The following LHFPL5 variants were observed in gnomAD, a reference collection of about 807,000 sequenced individuals.
The protein encoded by LHFPL5 is LHFPL tetraspan subfamily member 5 protein.
Under a neutral mutation model 18.7 loss-of-function variants are expected in LHFPL5, and 12 were observed. The ratio of observed to expected loss-of-function variants is 0.64; its 90% CI spans 0.41 to 1.04. The LOEUF (loss-of-function observed/expected upper bound fraction) is 1.04. Among genes scored for constraint, LHFPL5 ranks in the 50% least tolerant of loss-of-function variants. LHFPL5 has a pLI of 0.00. For missense variants in LHFPL5, 259 were observed against 292.1 expected, an observed-to-expected ratio of 0.89 and a Z score of 0.83; for synonymous variants, 111 against 120.2, an observed-to-expected ratio of 0.92 and a Z score of 0.50.
chr6:35,810,704 G>A (rs1257537880), intron 1 of LHFPL5, among the ~76,000 whole-genome samples: 1 of 151,984 alleles, frequency 6.6e-6, no homozygotes, highest in African/African-American at 2.4e-5. Flanking sequence ...GCGGGCGCCT[G>A]TAGTCCCAGC....
At chr6:35,815,102 G>A (rs1768735906) in intron 2 of LHFPL5, among the ~76,000 whole-genome samples, 1 of 152,094 alleles carries the variant, frequency 6.6e-6, no homozygotes, top group Admixed American at 6.5e-5. Flanking sequence ...GCGGGGTCTC[G>A]AAGTAATATT....
intron 1 of LHFPL5, among the ~76,000 whole-genome samples, chr6:35,809,677 T>C (rs1432011071): frequency 6.6e-6 from 1 of 152,128 alleles, no homozygotes; most frequent in East Asian, 1.9e-4. Context: ...CCAATTTTTG[T>C]ATTTTTTGTA....
intron 3 of LHFPL5, among the ~76,000 whole-genome samples, 185 bp from the exon 4 acceptor site, chr6:35,822,797 A>G (rs978899750): frequency 1.3e-5 from 2 of 152,028 alleles, no homozygotes; most frequent in Non-Finnish European, 2.9e-5. Context: ...TTTAGTAGAG[A>G]CAGGGTTTCA....
At position 35,819,802 on chromosome 6, in the gene LHFPL5, C is replaced by T. The variant is rs139530254; in HGVS notation, c.*16+339C>T. 70 of 344,194 alleles carry T rather than the reference C, an allele frequency of 2.0e-4. 1 individual carries two copies. The highest frequency in any genetic ancestry group is 1.3e-3 in the African/African-American group (62 of 47,572). The allele number at this position is 344,194 out of a possible 1,614,324, so 21.3% of individuals were successfully genotyped here. A position where few individuals can be genotyped will look rare whatever the true frequency, so the allele number is the denominator to read the frequency against. On this transcript the variant is annotated intron_variant, in intron 3 of 3. Coordinates refer to ENST00000360215, the MANE Select transcript of LHFPL5 (RefSeq NM_182548.4). The stretch of plus-strand genomic sequence containing the variant: ...AAGCCATTCTCCTGCCTCAGCCTCC[C>T]GAGTAGCTGGGATTACAGGTGCGTG...
chr6:35,808,364 A>C (rs1177116947), intron 1 of LHFPL5, among the ~76,000 whole-genome samples: 3 of 146,172 alleles, frequency 2.1e-5, no homozygotes, highest in Admixed American at 1.4e-4. Context: ...AAATAATAAT[A>C]AGGCCAGCTG....
Position 35,814,654 on chromosome 6 carries a change from C to G in LHFPL5, c.521C>G (p.Thr174Ser), listed in dbSNP as rs1192287001. The G allele has an allele frequency of 6.2e-7, 1 of 1,614,192 alleles. No individual in the cohort carries two copies. The highest frequency in any genetic ancestry group is 8.5e-7 in the Non-Finnish European group (1 of 1,180,038). The change falls in exon 2 of 4, where the codon ACC becomes AGC. Residue 174 changes from threonine (T) to serine (S), a missense_variant. Coordinates refer to ENST00000360215, the MANE Select transcript of LHFPL5 (RefSeq NM_182548.4). The surrounding 1 kb of genome is among the most constrained non-coding windows in gnomAD (Gnocchi z 4.2). ...GGCAAGTACACGCTGGGCCACTGCACCATCCGCTGGGCCTTCATGCTGGCC... is the reference window on the plus strand; with the variant it reads ...GGCAAGTACACGCTGGGCCACTGCAGCATCCGCTGGGCCTTCATGCTGGCC... ...QTGKYTLGHC[T>S]IRWAFMLAIL...
chr6:35,819,307 G>T, intron 2 of LHFPL5, 130 bp from the exon 3 acceptor site: 1 of 833,168 alleles, frequency 1.2e-6, no homozygotes, highest in South Asian at 1.4e-5. Flanking sequence ...TAAATGATAT[G>T]AACAAAAAAG....
rs1189623466 is a variant in LHFPL5, at chr6:35,805,523, C to G, written c.-148C>G. The G allele has an allele frequency of 5.5e-6, 4 of 733,690 alleles. No individual in the cohort carries two copies. Among genetic ancestry groups the G allele is most frequent in the East Asian group, 2.7e-5 (1 of 37,310 alleles). 45.4% of individuals were successfully genotyped at this position (733,690 alleles called of 1,614,324 possible). ...TGTCCTTGTCCTATTAAGCCTCTTC[C>G]CCTTGCCTTGAAGGGACCTCACCTG... On this transcript the variant is annotated 5_prime_UTR_variant, in exon 1 of 4. Coordinates refer to ENST00000360215, the MANE Select transcript of LHFPL5 (RefSeq NM_182548.4). This position sits in a 1 kb window ranked among gnomAD's most constrained non-coding sequence, Gnocchi z 4.3.
intron 2 of LHFPL5, among the ~76,000 whole-genome samples, chr6:35,815,427 G>C (rs948392015): frequency 3.9e-5 from 6 of 152,080 alleles, no homozygotes; most frequent in Non-Finnish European, 8.8e-5. Flanking sequence ...GGTGCCTTTT[G>C]CTTCTGTTTC....
intron 1 of LHFPL5, among the ~76,000 whole-genome samples, chr6:35,809,063 G>T (rs1768623103): frequency 6.6e-6 from 1 of 152,144 alleles, no homozygotes; most frequent in South Asian, 2.1e-4. Flanking sequence ...AGAAGCCTGG[G>T]AACAGGGAGG....
intron 1 of LHFPL5, among the ~76,000 whole-genome samples, chr6:35,812,952 G>C (rs1452100792): frequency 6.6e-6 from 1 of 152,094 alleles, no homozygotes; most frequent in East Asian, 2.0e-4. Context: ...CTACTCAGGA[G>C]GGTGAGGCAG....
rs1768901252 is a variant in LHFPL5, at chr6:35,823,330, T to A, written c.*365T>A. ...AAAGCGAGAGGGCTAAATGGGTCCA[T>A]CTCTAGGGGCCTTCCCTCCCAGGTC... On this transcript the variant is annotated 3_prime_UTR_variant, in exon 4 of 4. Coordinates refer to ENST00000360215, the MANE Select transcript of LHFPL5 (RefSeq NM_182548.4). 6.6e-6 allele frequency: 1 copy of A among 151,342 alleles called. No homozygotes were observed. Among genetic ancestry groups the A allele is most frequent in the Admixed American group, 6.6e-5 (1 of 15,050 alleles). 9.4% of individuals were successfully genotyped at this position (151,342 alleles called of 1,614,324 possible). A position where few individuals can be genotyped will look rare whatever the true frequency, so the allele number is the denominator to read the frequency against.
At chr6:35,821,452 T>TGC (rs1169197928) in intron 3 of LHFPL5, among the ~76,000 whole-genome samples, 19 of 48,616 alleles carry the variant, frequency 3.9e-4, no homozygotes. Flanking sequence ...ATAATCTTTG[T>TGC]GTGTGTGTGT....
In LHFPL5 at chr6:35,816,096, G is replaced by A. The variant is rs968590752; in HGVS notation, c.649+1314G>A. Among the ~76,000 whole-genome samples, 20 of 151,084 alleles carry A rather than the reference G, an allele frequency of 1.3e-4. No homozygotes were observed. In the South Asian group the frequency reaches 1.5e-3, roughly 11 times the overall value. ...TGAGGCAGGAGAATGGCGTGAACCC[G>A]GGAAGCGGAGCTTGCAGTGAGCCGA... On this transcript the variant is annotated intron_variant, in intron 2 of 3. Coordinates refer to ENST00000360215, the MANE Select transcript of LHFPL5 (RefSeq NM_182548.4).
intron 2 of LHFPL5, among the ~76,000 whole-genome samples, chr6:35,818,536 T>A (rs959520265): frequency 6.0e-5 from 9 of 150,866 alleles, no homozygotes; most frequent in South Asian, 2.1e-4. Context: ...TTAAAAAAAT[T>A]TTTTTTGTAG....
intron 3 of LHFPL5, among the ~76,000 whole-genome samples, chr6:35,820,812 A>C (rs1768851039): frequency 6.6e-6 from 1 of 152,224 alleles, no homozygotes; most frequent in African/African-American, 2.4e-5. Context: ...GAGGACCTAC[A>C]GCCGACCAGG....
chr6:35,819,418 G>C lies in LHFPL5; in HGVS notation c.650-19G>C. 3 of 1,613,618 alleles carry C rather than the reference G, an allele frequency of 1.9e-6. No individual in the cohort carries two copies. Among genetic ancestry groups the C allele is most frequent in the Non-Finnish European group, 2.5e-6 (3 of 1,179,566 alleles). On this transcript the variant is annotated intron_variant, in intron 2 of 3. Coordinates refer to ENST00000360215, the MANE Select transcript of LHFPL5 (RefSeq NM_182548.4). Reference sequence around the variant, plus strand: ...ACGAGACTTGGTAGTAACGTATACTGTTCTCTCCTTCATTACAGAGGAGGT... The same window carrying C: ...ACGAGACTTGGTAGTAACGTATACTCTTCTCTCCTTCATTACAGAGGAGGT...
rs763639486 is a variant in LHFPL5, at chr6:35,821,857, ATTTTTTTTTTTT to A, written c.*17-1102_*17-1091del. 1.7e-3 allele frequency among the ~76,000 whole-genome samples: 66 copies of A among 39,168 alleles called. 1 individual carries two copies. The highest frequency in any genetic ancestry group is 3.3e-3 in the Admixed American group (7 of 2,138). 25.7% of individuals were successfully genotyped at this position (39,168 alleles called of 152,430 possible). A position where few individuals can be genotyped will look rare whatever the true frequency, so the allele number is the denominator to read the frequency against. ...AACTCCACAGCACTGGTGTACCACA[ATTTTTTTTTTTT>A]TTTTTTTTTTTTTTTTTTTTTTGAG... On this transcript the variant is annotated intron_variant, in intron 3 of 3. Transcript: ENST00000360215.
At chr6:35,812,101 G>A (rs1338087682) in intron 1 of LHFPL5, among the ~76,000 whole-genome samples, 1 of 152,152 alleles carries the variant, frequency 6.6e-6, no homozygotes, top group Non-Finnish European at 1.5e-5. Context: ...ACAGAAAGGT[G>A]ATCACAGTCA....
Sources: gnomAD v4.1 joint callset for allele counts (sites outside exome capture counted in the v4.1 genomes callset) on GRCh38, gnomAD v4.1.1 for gene constraint, Gnocchi (gnomAD v3.1) non-coding constraint, MANE v1.5 for transcripts, NCBI Gene and HGNC (gene_info 2026-07-23, HGNC 2026-07-21) for gene names.